NCOA6: variants seen among roughly 807,000 people sequenced by gnomAD.
The protein encoded by NCOA6 is NRC RAP250.
NCOA6 carries 49 observed loss-of-function variants against 171.4 expected under a neutral mutation model. The ratio of observed to expected loss-of-function variants is 0.29; its 90% confidence interval spans 0.23 to 0.36. The LOEUF is 0.36. NCOA6 is among the 10% of genes least tolerant of loss of function. NCOA6 has a pLI of 1.00. For missense variants in NCOA6, 2,248 were observed against 2,554.5 expected, an observed-to-expected ratio of 0.88 and a Z score of 2.59; for synonymous variants, 910 against 927.5, an observed-to-expected ratio of 0.98 and a Z score of 0.34.
intron 10 of NCOA6, among the ~76,000 whole-genome samples, chr20:34,746,044 G>A (rs1281156021): frequency 6.6e-6 from 1 of 151,984 alleles, no homozygotes; most frequent in Non-Finnish European, 1.5e-5. Context: ...ATATTTTAAA[G>A]ACTCATTAAT....
At chr20:34,764,453 G>T (rs949031203) in intron 5 of NCOA6, among the ~76,000 whole-genome samples, 16 of 151,752 alleles carry the variant, frequency 1.1e-4, no homozygotes, top group African/African-American at 3.4e-4. Flanking sequence ...CAGCACTTTG[G>T]GAGGCTGAGA....
intron 13 of NCOA6, among the ~76,000 whole-genome samples, chr20:34,731,791 C>T (rs1435017184): frequency 8.5e-5 from 13 of 152,294 alleles, no homozygotes; most frequent in African/African-American, 2.4e-4. Flanking sequence ...GAGGCTGAGA[C>T]GGGTGGATCA....
At chr20:34,765,923 T>A (rs538442838) in intron 5 of NCOA6, among the ~76,000 whole-genome samples, 3 of 152,242 alleles carry the variant, frequency 2.0e-5, no homozygotes, top group African/African-American at 7.2e-5. Context: ...AACTTTCTGT[T>A]GCCCATGCTA....
intron 1 of NCOA6, among the ~76,000 whole-genome samples, chr20:34,799,839 C>A (rs977126385): frequency 6.6e-6 from 1 of 152,022 alleles, no homozygotes; most frequent in Non-Finnish European, 1.5e-5. Flanking sequence ...CTACAAGAAA[C>A]GCTAAAGGGA....
At chr20:34,823,550 C>A (rs2079067754) in intron 1 of NCOA6, among the ~76,000 whole-genome samples, 1 of 152,162 alleles carries the variant, frequency 6.6e-6, no homozygotes, top group Admixed American at 6.5e-5. Context: ...AGAACTCTCC[C>A]ATAGCCCATG....
chr20:34,801,334 T>C (rs2146465679), intron 1 of NCOA6, among the ~76,000 whole-genome samples: 1 of 151,760 alleles, frequency 6.6e-6, no homozygotes, highest in East Asian at 1.9e-4. Context: ...TCAAAATTAG[T>C]AGAAGAAAAG....
chr20:34,726,214 G>C (rs1328265121), intron 14 of NCOA6, among the ~76,000 whole-genome samples: 1 of 152,158 alleles, frequency 6.6e-6, no homozygotes, highest in Admixed American at 6.5e-5. Flanking sequence ...GGGATCAAAG[G>C]CATAGATGGA....
chr20:34,754,624 G>A, intron 8 of NCOA6, 98 bp downstream of exon 8: 2 of 1,427,998 alleles, frequency 1.4e-6, no homozygotes, highest in Non-Finnish European at 1.9e-6. Flanking sequence ...TAAGGGGAGA[G>A]ACCAAGACTT....
chr20:34,768,648 G>GA, intron 4 of NCOA6, 62 bp from the exon 5 acceptor site: 1 of 1,582,576 alleles, frequency 6.3e-7, no homozygotes, highest in Non-Finnish European at 8.6e-7. Flanking sequence ...TTTGTTTATA[G>GA]ACAGCTATAT....
At chr20:34,815,074 C>G (rs77595325) in intron 1 of NCOA6, among the ~76,000 whole-genome samples, 8,065 of 152,192 alleles carry the variant, frequency 0.053, 253 homozygotes, top group East Asian at 0.079. Flanking sequence ...GCAAGGCCAA[C>G]ATTGCTACCA....
rs11484299 is a variant in NCOA6 at position 34,746,930 on chromosome 20, T to TA, written c.2793-3dup. ...CCAGCTGGGCGAGTATCTGGGGTGC[T>TA]AAAAAAAAAAAAAAAAAAAAAAGTG... On this transcript the variant is annotated splice_polypyrimidine_tract_variant and splice_region_variant and intron_variant, in intron 9 of 14. Coordinates refer to ENST00000359003, the MANE Select transcript of NCOA6 (RefSeq NM_014071.5). The TA allele has an allele frequency of 0.2, 222,965 of 1,102,920 alleles. 5,831 individuals are homozygous for TA. Among genetic ancestry groups the TA allele is most frequent in the Non-Finnish European group, 0.21 (185,040 of 889,912 alleles). 68.3% of individuals were successfully genotyped at this position (1,102,920 alleles called of 1,614,324 possible).
chr20:34,785,039 C>T (rs1374812113), intron 2 of NCOA6, among the ~76,000 whole-genome samples: 1 of 152,022 alleles, frequency 6.6e-6, no homozygotes, highest in Non-Finnish European at 1.5e-5. Context: ...TGAGATCGCA[C>T]CACTGCACTC....
rs1222839295 is a variant in NCOA6 at position 34,751,310 on chromosome 20, C to T, written c.1676-791G>A. 2.9e-5 allele frequency among the ~76,000 whole-genome samples: 4 copies of T among 138,508 alleles called. No homozygotes were observed. The South Asian group carries it at 6.6e-4, about 23-fold the overall frequency. 90.9% of individuals were successfully genotyped at this position (138,508 alleles called of 152,430 possible). ...GCGTGAACCCGGGAAGCGGAGCTTGCAGTGAGCCGAGATTGCGCCACTGCA... is the reference window on the plus strand; with the variant it reads ...GCGTGAACCCGGGAAGCGGAGCTTGTAGTGAGCCGAGATTGCGCCACTGCA... On this transcript the variant is annotated intron_variant, in intron 8 of 14. Transcript: ENST00000359003.
At chr20:34,797,530 T>A (rs573375337) in intron 1 of NCOA6, among the ~76,000 whole-genome samples, 9 of 152,144 alleles carry the variant, frequency 5.9e-5, no homozygotes, top group African/African-American at 2.2e-4. Flanking sequence ...TCTTCAAGCA[T>A]GACCCAGCAC....
At position 34,731,696 on chromosome 20, in the gene NCOA6, T is replaced by C. The variant is rs948960079; in HGVS notation, c.5999+863A>G. On this transcript the variant is annotated intron_variant, in intron 13 of 14. Coordinates refer to ENST00000359003, the MANE Select transcript of NCOA6 (RefSeq NM_014071.5). ...GTCTTATGAAGTTGCTGTACAATTA[T>C]GAGAAGTTCTTTAAAATATTATCCA... Among the ~76,000 whole-genome samples, 9 of 152,212 alleles carry C rather than the reference T, an allele frequency of 5.9e-5. No homozygotes were observed. The South Asian group carries it at 1.4e-3, about 24-fold the overall frequency.
intron 14 of NCOA6, among the ~76,000 whole-genome samples, chr20:34,724,909 C>A (rs1468247742): frequency 6.6e-6 from 1 of 151,860 alleles, no homozygotes; most frequent in Non-Finnish European, 1.5e-5. Flanking sequence ...CTGCCTCAGT[C>A]TCCTGAATAG....
Position 34,741,389 on chromosome 20 carries a change from C to A in NCOA6, c.4867G>T (p.Ala1623Ser). ...ATTGTGACAACTGTTGACATCAATGCAGACTGCAAGTGAGTTGGCAAAGCT... is the reference window on the plus strand; with the variant it reads ...ATTGTGACAACTGTTGACATCAATGAAGACTGCAAGTGAGTTGGCAAAGCT... ...SAALPTHLQS[A>S]LMSTVVTMPN... Residue 1623 changes from alanine (A) to serine (S), a missense_variant, in exon 11 of 15, where the codon GCA (alanine) becomes TCA (serine). Coordinates refer to ENST00000359003, the MANE Select transcript of NCOA6 (RefSeq NM_014071.5). 2 of 1,614,200 alleles carry A rather than the reference C, an allele frequency of 1.2e-6. No homozygotes were observed. Among genetic ancestry groups the A allele is most frequent in the Non-Finnish European group, 1.7e-6 (2 of 1,180,026 alleles).
At chr20:34,772,684 G>C (rs1271228163) in intron 4 of NCOA6, among the ~76,000 whole-genome samples, 1 of 151,356 alleles carries the variant, frequency 6.6e-6, no homozygotes, top group Non-Finnish European at 1.5e-5. Context: ...GTGGAGTTCT[G>C]AGCCAGCGGG....
intron 9 of NCOA6, among the ~76,000 whole-genome samples, chr20:34,747,224 C>A (rs2076332969): frequency 6.6e-6 from 1 of 152,162 alleles, no homozygotes; most frequent in Non-Finnish European, 1.5e-5. Context: ...TGTTTTAAGA[C>A]CTGATCATAG....
Sources: gnomAD v4.1 joint callset for allele counts (sites outside exome capture counted in the v4.1 genomes callset) on GRCh38, gnomAD v4.1.1 for gene constraint, MANE v1.5 for transcripts, NCBI Gene and HGNC (gene_info 2026-07-23, HGNC 2026-07-21) for gene names.